Variants in ZNF653 observed in about 807,000 individuals in gnomAD.
The protein encoded by ZNF653 is 67 kDa zinc finger protein.
In ZNF653, 37 loss-of-function variants were observed where a neutral mutation model predicts 59.9. That is an observed-to-expected ratio of 0.62 (90% CI 0.48 to 0.81). The LOEUF is 0.81. Ranked by LOEUF, ZNF653 falls within the 40% of genes least tolerant of loss-of-function variation. The pLI is 0.00. For synonymous variants in ZNF653, 435 were observed against 371.8 expected, an observed-to-expected ratio of 1.17 and a Z score of -1.96; for missense variants, 808 against 881.1, an observed-to-expected ratio of 0.92 and a Z score of 1.05.
chr19:11,485,484 C>A (rs1183564565), intron 7 of ZNF653, among the ~76,000 whole-genome samples, 172 bp downstream of exon 7: 1 of 152,120 alleles, frequency 6.6e-6, no homozygotes, highest in South Asian at 2.1e-4. Flanking sequence ...TAGTTCCTGT[C>A]GCTGTGGCTC....
chr19:11,487,462 C>A lies in ZNF653; in HGVS notation c.1001G>T (p.Gly334Val). The change falls in exon 4 of 9, where the codon GGC becomes GTC. Residue 334 changes from glycine (G) to valine (V), a missense_variant. Coordinates refer to ENST00000293771, the MANE Select transcript of ZNF653 (RefSeq NM_138783.4). This position sits in a 1 kb window ranked among gnomAD's most constrained non-coding sequence, Gnocchi z 5.1. Reference sequence around the variant, plus strand: ...GCCTGCTGCCATGTTGAGGTGAATGCCCTCGGCCGTGAGAGCGTCGTAACC... The same window carrying A: ...GCCTGCTGCCATGTTGAGGTGAATGACCTCGGCCGTGAGAGCGTCGTAACC... ...GPGYDALTAEGIHLNMAAGSG... is the reference protein window; with the variant it reads ...GPGYDALTAEVIHLNMAAGSG... The A allele has an allele frequency of 6.2e-7, 1 of 1,613,096 alleles. No individual in the cohort carries two copies. Among genetic ancestry groups the A allele is most frequent in the Non-Finnish European group, 8.5e-7 (1 of 1,179,968 alleles).
At chr19:11,503,720 C>G (rs1971671064) in intron 1 of ZNF653, among the ~76,000 whole-genome samples, 1 of 151,844 alleles carries the variant, frequency 6.6e-6, no homozygotes, top group Admixed American at 6.6e-5. Context: ...GCAGGAGGAT[C>G]CCTTGAGCCT....
intron 3 of ZNF653, among the ~76,000 whole-genome samples, chr19:11,490,169 A>C (rs1040679810): frequency 1.3e-5 from 2 of 152,082 alleles, no homozygotes; most frequent in African/African-American, 4.8e-5. Flanking sequence ...TGTTAGAACA[A>C]CTCACAGAAC....
At chr19:11,504,086 G>C (rs912775136) in intron 1 of ZNF653, among the ~76,000 whole-genome samples, 2 of 151,980 alleles carry the variant, frequency 1.3e-5, no homozygotes, top group Non-Finnish European at 2.9e-5. Context: ...CTCTGGGCGA[G>C]AGAGTGAGAC....
rs1035851160 is a variant in ZNF653, at chr19:11,498,232, T to C, written c.343+64A>G. ...GGCAGCGACCTGGCCTCTCTGGGCC[T>C]CCATCTCCATATTCCCACCGCTCCC... On this transcript the variant is annotated intron_variant, in intron 2 of 8. Coordinates refer to ENST00000293771, the MANE Select transcript of ZNF653 (RefSeq NM_138783.4). 5 of 1,610,318 alleles carry C rather than the reference T, an allele frequency of 3.1e-6. No homozygotes were observed. In the Admixed American group the frequency reaches 8.3e-5, roughly 27 times the overall value.
intron 5 of ZNF653, 34 bp downstream of exon 5, chr19:11,486,953 C>T (rs1038274365): frequency 1.9e-5 from 30 of 1,611,846 alleles, no homozygotes; most frequent in Non-Finnish European, 2.5e-5. Flanking sequence ...CGCTTCTAGC[C>T]CTCGCCCTCA....
In ZNF653 at chr19:11,486,916, C is replaced by A. The variant is rs752228284; in HGVS notation, c.1344-36G>T. 4.3e-6 allele frequency: 7 copies of A among 1,611,350 alleles called. No individual in the cohort carries two copies. In the Admixed American group the frequency reaches 1.2e-4, roughly 27 times the overall value. On this transcript the variant is annotated intron_variant, in intron 5 of 8. Transcript: ENST00000293771. ...AGGGGCCATGACATCGGGGCTCCCG[C>A]ACCAGGCAGGCTGGGGGCCTGCGGG...
chr19:11,488,009 A>G, intron 3 of ZNF653, 106 bp from the exon 4 acceptor site: 16 of 893,192 alleles, frequency 1.8e-5, no homozygotes, highest in Non-Finnish European at 2.1e-5. Context: ...TTTTTTTGAG[A>G]CAGAGTCTCA....
In ZNF653 at chr19:11,483,470, G is replaced by T. The variant is rs1023717322; in HGVS notation, c.*212C>A. The T allele has an allele frequency of 6.0e-5, 83 of 1,381,732 alleles. No homozygotes were observed. Among genetic ancestry groups the T allele is most frequent in the Non-Finnish European group, 7.4e-5 (79 of 1,069,382 alleles). The allele number at this position is 1,381,732 out of a possible 1,614,324, so 85.6% of individuals were successfully genotyped here. Reference sequence around the variant, plus strand: ...AATCTCACTCTGCTCTCTTGACACAGTTCCAGCAATGCAGCCCCAGGCACC... The same window carrying T: ...AATCTCACTCTGCTCTCTTGACACATTTCCAGCAATGCAGCCCCAGGCACC... On this transcript the variant is annotated 3_prime_UTR_variant, in exon 9 of 9. Coordinates refer to ENST00000293771, the MANE Select transcript of ZNF653 (RefSeq NM_138783.4).
Position 11,505,544 on chromosome 19 carries a change from G to T in ZNF653, c.243C>A (p.Ala81=), listed in dbSNP as rs1036823712. 5.3e-6 allele frequency: 8 copies of T among 1,514,854 alleles called. No individual in the cohort carries two copies. Among genetic ancestry groups the T allele is most frequent in the Non-Finnish European group, 7.0e-6 (8 of 1,142,996 alleles). 93.8% of individuals were successfully genotyped at this position (1,514,854 alleles called of 1,614,324 possible). Residue 81 remains alanine (A), a synonymous_variant, in exon 1 of 9, where the codon GCC becomes GCA. Transcript: ENST00000293771. ...GAGAGATGAGGTAGGCGGCGAGCTT[G>T]GCGTCGCTCCAGCCGCTGCGGCGCC... The part of the protein sequence containing the change: ...DLRRRSGWSD[A]KLAAYLISLE...
chr19:11,488,036 G>A, intron 3 of ZNF653, 133 bp from the exon 4 acceptor site: 1 of 888,258 alleles, frequency 1.1e-6, no homozygotes, highest in Non-Finnish European at 1.4e-6. Context: ...CACCCAGGCT[G>A]GAGTGCAGTG....
intron 1 of ZNF653, among the ~76,000 whole-genome samples, chr19:11,501,628 G>C (rs1308393241): frequency 6.6e-6 from 1 of 151,986 alleles, no homozygotes; most frequent in Admixed American, 6.6e-5. Context: ...GGCTTCACTC[G>C]GCCCAACAGC....
intron 1 of ZNF653, among the ~76,000 whole-genome samples, chr19:11,499,884 A>G (rs895484480): frequency 3.3e-5 from 5 of 152,044 alleles, no homozygotes; most frequent in Non-Finnish European, 7.4e-5. Context: ...CTGCACTCCA[A>G]CCTGGGCAAC....
chr19:11,505,364 C>T, intron 1 of ZNF653, 124 bp downstream of exon 1: 1 of 1,069,166 alleles, frequency 9.4e-7, no homozygotes, highest in South Asian at 2.1e-5. Context: ...AGGCCGCCGG[C>T]CCGGCTCCTG....
At chr19:11,489,851 T>C (rs1971511863) in intron 3 of ZNF653, among the ~76,000 whole-genome samples, 1 of 152,200 alleles carries the variant, frequency 6.6e-6, no homozygotes, top group Non-Finnish European at 1.5e-5. Context: ...CAAGTTTATT[T>C]GGTTCTTGCA....
In ZNF653 at chr19:11,483,765, C is replaced by A; in HGVS notation, c.1765G>T (p.Asp589Tyr). ...TAEVQYNFTC[D>Y]RCGKRFEKLD... ...TTCTCGAAGCGCTTCCCGCAGCGATCGCACGTGAAGTTGTACTGCACCTCC... is the reference window on the plus strand; with the variant it reads ...TTCTCGAAGCGCTTCCCGCAGCGATAGCACGTGAAGTTGTACTGCACCTCC... The change falls in exon 9 of 9, where the codon GAT (aspartate) becomes TAT (tyrosine). Residue 589 changes from aspartate (D) to tyrosine (Y), a missense_variant. Physicochemically the swap from Asp to Tyr is radical, Grantham distance 160. Coordinates refer to ENST00000293771, the MANE Select transcript of ZNF653 (RefSeq NM_138783.4). 1 of 1,613,582 alleles carries A rather than the reference C, an allele frequency of 6.2e-7. No homozygotes were observed. Among genetic ancestry groups the A allele is most frequent in the Non-Finnish European group, 8.5e-7 (1 of 1,179,676 alleles).
chr19:11,496,001 G>A lies in ZNF653; in HGVS notation c.508C>T (p.Leu170=). Residue 170 remains leucine (L), a synonymous_variant, in exon 3 of 9, where the codon CTG becomes TTG. Coordinates refer to ENST00000293771, the MANE Select transcript of ZNF653 (RefSeq NM_138783.4). ...CEAGHRYFQD[L]HSPLKPLSDS... The stretch of plus-strand genomic sequence containing the variant: ...CTGAGGGGCTTCAGGGGCGAATGCA[G>A]GTCCTGGAAGTAGCGGTGGCCAGCT... 1 of 1,614,188 alleles carries A rather than the reference G, an allele frequency of 6.2e-7. No homozygotes were observed. Among genetic ancestry groups the A allele is most frequent in the Non-Finnish European group, 8.5e-7 (1 of 1,180,022 alleles).
intron 3 of ZNF653, among the ~76,000 whole-genome samples, chr19:11,492,360 AT>A (rs1243183823): frequency 6.6e-6 from 1 of 151,178 alleles, no homozygotes; most frequent in African/African-American, 2.4e-5. Flanking sequence ...TAATTAATTT[AT>A]TTTTTTGAGA....
In ZNF653 at chr19:11,505,574, G is replaced by A. The variant is rs1386896144; in HGVS notation, c.213C>T (p.Asp71=). Residue 71 remains aspartate (D), a synonymous_variant, in exon 1 of 9, where the codon GAC becomes GAT. Transcript: ENST00000293771. ...YLGEAHGPWV[D]LRRRSGWSDA... ...CGCTCCAGCCGCTGCGGCGCCGCAG[G>A]TCCACCCAGGGCCCGTGCGCCTCGC... 2.0e-6 allele frequency: 3 copies of A among 1,514,066 alleles called. No homozygotes were observed. The highest frequency in any genetic ancestry group is 2.8e-5 in the East Asian group (1 of 36,154). The allele number at this position is 1,514,066 out of a possible 1,614,324, so 93.8% of individuals were successfully genotyped here.
Sources: gnomAD v4.1 joint callset for allele counts (sites outside exome capture counted in the v4.1 genomes callset) on GRCh38, gnomAD v4.1.1 for gene constraint, Gnocchi (gnomAD v3.1) non-coding constraint, MANE v1.5 for transcripts, NCBI Gene and HGNC (gene_info 2026-07-23, HGNC 2026-07-21) for gene names.